GPN1: variants seen among roughly 807,000 people sequenced by gnomAD.
GPN1 encodes GPN-loop GTPase 1.
In GPN1, 44 loss-of-function variants were observed where a neutral mutation model predicts 55.9. That is an observed-to-expected ratio of 0.79 (90% confidence interval 0.62 to 1.01). The LOEUF is 1.01. GPN1 is among the 50% of genes least tolerant of loss of function. GPN1 has a pLI of 0.00. For missense variants in GPN1, 466 were observed against 462.8 expected, an observed-to-expected ratio of 1.01 and a Z score of -0.06; for synonymous variants, 179 against 162.5, an observed-to-expected ratio of 1.10 and a Z score of -0.77.
At chr2:27,645,903 T>C (rs1270137501) in intron 12 of GPN1, among the ~76,000 whole-genome samples, 1 of 151,612 alleles carries the variant, frequency 6.6e-6, no homozygotes, top group Non-Finnish European at 1.5e-5. Flanking sequence ...CTAAATTTTG[T>C]ATTTTTAGTG....
Position 27,638,883 on chromosome 2 carries a change from A to G in GPN1, c.571-2A>G. 1.9e-6 allele frequency: 3 copies of G among 1,610,710 alleles called. No homozygotes were observed. Among genetic ancestry groups the G allele is most frequent in the Non-Finnish European group, 2.5e-6 (3 of 1,178,838 alleles). Reference sequence around the variant, plus strand: ...CTCATAATTGACTTCTCTCTGGTACAGACTGACATCATTGACCACAGCTTT... The same window carrying G: ...CTCATAATTGACTTCTCTCTGGTACGGACTGACATCATTGACCACAGCTTT... On this transcript the variant is annotated splice_acceptor_variant, in intron 8 of 13. Coordinates refer to ENST00000610189, the MANE Select transcript of GPN1 (RefSeq NM_007266.4). LOFTEE classifies it high-confidence loss of function.
chr2:27,638,976 G>A lies in GPN1; in HGVS notation c.662G>A (p.Ser221Asn), dbSNP rs375394495. ...TTGAATCAAGAGACTACATACGTCAGTAACCTGACTCGTTCAATGAGCCTG... is the reference window on the plus strand; with the variant it reads ...TTGAATCAAGAGACTACATACGTCAATAACCTGACTCGTTCAATGAGCCTG... ...DALNQETTYV[S>N]NLTRSMSLVL... The change falls in exon 9 of 14, where the codon AGT (serine) becomes AAT (asparagine). Residue 221 changes from serine (S) to asparagine (N), a missense_variant. Physicochemically the swap from Ser to Asn is conservative, Grantham distance 46 (BLOSUM62 1). Coordinates refer to ENST00000610189, the MANE Select transcript of GPN1 (RefSeq NM_007266.4). The A allele has an allele frequency of 2.0e-5, 32 of 1,613,438 alleles. No homozygotes were observed. The highest frequency in any genetic ancestry group is 2.6e-5 in the Non-Finnish European group (31 of 1,179,564).
chr2:27,645,422 C>G (rs1001745455), intron 12 of GPN1, among the ~76,000 whole-genome samples: 1 of 152,300 alleles, frequency 6.6e-6, no homozygotes, highest in East Asian at 1.9e-4. Context: ...CATGTTCTTC[C>G]ATATGAACTG....
At position 27,631,793 on chromosome 2, in the gene GPN1, T is replaced by G. The variant is rs1384808415; in HGVS notation, c.246-41T>G. The G allele has an allele frequency of 2.6e-6, 3 of 1,166,662 alleles. No individual in the cohort carries two copies. The East Asian group carries it at 7.0e-5, about 27-fold the overall frequency. 72.3% of individuals were successfully genotyped at this position (1,166,662 alleles called of 1,614,324 possible). A position where few individuals can be genotyped will look rare whatever the true frequency, so the allele number is the denominator to read the frequency against. ...GATAGCCTAGGTATGAACTTTATAATCTAATCTATAAGCGATTTCAGTCCT... is the reference window on the plus strand; with the variant it reads ...GATAGCCTAGGTATGAACTTTATAAGCTAATCTATAAGCGATTTCAGTCCT... On this transcript the variant is annotated intron_variant, in intron 3 of 13. Transcript: ENST00000610189.
chr2:27,628,622 TG>T, upstream of GPN1: 1 of 1,551,532 alleles, frequency 6.4e-7, no homozygotes, highest in Non-Finnish European at 8.7e-7. Context: ...GGTCCAGCCC[TG>T]AACTGTTTAA....
At chr2:27,628,743 G>C, upstream of GPN1, 1 of 1,549,084 alleles carries the variant, frequency 6.5e-7, no homozygotes, top group Non-Finnish European at 8.7e-7. Context: ...TGCTGTGTGA[G>C]CCCTGCCCTC....
rs1674513623 is a variant in GPN1, at chr2:27,651,041, C to T, written c.*841C>T. The T allele has an allele frequency of 6.6e-6, 1 of 152,366 alleles. No homozygotes were observed. Among genetic ancestry groups the T allele is most frequent in the South Asian group, 2.1e-4 (1 of 4,834 alleles). The allele number at this position is 152,366 out of a possible 1,614,324, so 9.4% of individuals were successfully genotyped here. A position where few individuals can be genotyped will look rare whatever the true frequency, so the allele number is the denominator to read the frequency against. ...AGCTAGGCCCAGTTTGTATTGTACT[C>T]TGAACTTAATGCAAAGTCTCCTTGG... On this transcript the variant is annotated 3_prime_UTR_variant, in exon 14 of 14. Transcript: ENST00000610189.
intron 12 of GPN1, among the ~76,000 whole-genome samples, chr2:27,645,436 A>T (rs748386617): frequency 6.6e-6 from 1 of 152,192 alleles, no homozygotes; most frequent in Non-Finnish European, 1.5e-5. Flanking sequence ...TGAACTGAGT[A>T]TCAACTTTAT....
intron 5 of GPN1, among the ~76,000 whole-genome samples, chr2:27,634,473 C>T (rs1673658621): frequency 1.3e-5 from 2 of 152,168 alleles, no homozygotes; most frequent in Admixed American, 1.3e-4. Context: ...TAGCACTTTC[C>T]CATTCCTCCC....
Position 27,643,917 on chromosome 2 carries a change from G to A in GPN1, c.931+1398G>A, listed in dbSNP as rs950593447. On this transcript the variant is annotated intron_variant, in intron 12 of 13. Transcript: ENST00000610189. This position sits in a 1 kb window ranked among gnomAD's most constrained non-coding sequence, Gnocchi z 4.0. The stretch of plus-strand genomic sequence containing the variant: ...TTTTAGGCCGGGCGCAGTGGCTCAC[G>A]CCTGTAATCCCAGCATTTTGGGAGG... 1.3e-5 allele frequency among the ~76,000 whole-genome samples: 2 copies of A among 152,154 alleles called. No homozygotes were observed. Among genetic ancestry groups the A allele is most frequent in the African/African-American group, 4.8e-5 (2 of 41,432 alleles).
chr2:27,633,635 C>T lies in GPN1; in HGVS notation c.350+965C>T, dbSNP rs188147572. On this transcript the variant is annotated intron_variant, in intron 5 of 13. Transcript: ENST00000610189. The stretch of plus-strand genomic sequence containing the variant: ...GGATTACAGGTGGCCTGCTACCATG[C>T]CTGACTAATTTTTGTATTTTTAGTA... Among the ~76,000 whole-genome samples, 549 of 152,196 alleles carry T rather than the reference C, an allele frequency of 3.6e-3. 1 individual carries two copies. Among genetic ancestry groups the T allele is most frequent in the African/African-American group, 0.013 (529 of 41,516 alleles).
intron 6 of GPN1, 66 bp from the exon 7 acceptor site, chr2:27,635,073 TG>T: frequency 9.3e-7 from 1 of 1,080,834 alleles, no homozygotes; most frequent in South Asian, 1.3e-5. Flanking sequence ...TTAAGGATGG[TG>T]GAAAAAGAGT....
At chr2:27,632,566 C>T (rs370155174) in intron 4 of GPN1, 67 bp from the exon 5 acceptor site, 506 of 1,090,890 alleles carry the variant, frequency 4.6e-4, no homozygotes, top group Non-Finnish European at 6.6e-4. Flanking sequence ...GTATGCCACC[C>T]TGGAGAGGGC....
chr2:27,635,161 G>A lies in GPN1; in HGVS notation c.451G>A (p.Val151Ile). 1 of 1,600,690 alleles carries A rather than the reference G, an allele frequency of 6.2e-7. No individual in the cohort carries two copies. Among genetic ancestry groups the A allele is most frequent in the Non-Finnish European group, 8.6e-7 (1 of 1,168,650 alleles). The change falls in exon 7 of 14, where the codon GTC becomes ATC. Residue 151 changes from valine to isoleucine, a missense_variant. Coordinates refer to ENST00000610189, the MANE Select transcript of GPN1 (RefSeq NM_007266.4). The part of the protein sequence containing the change: ...EALASSFPTV[V>I]IYVMDTSRST... Reference sequence around the variant, plus strand: ...TTAGGCATCCTCATTTCCAACAGTTGTCATCTATGTAATGGACACATCGAG... The same window carrying A: ...TTAGGCATCCTCATTTCCAACAGTTATCATCTATGTAATGGACACATCGAG...
At position 27,642,429 on chromosome 2, in the gene GPN1, G is replaced by A. The variant is rs769666036; in HGVS notation, c.841G>A (p.Ala281Thr). ...ATGACATTTTTCTCTGTATATACAG[G>A]CCAACGCAGAGAGCCAACAGCAGAG... Reference protein sequence around the residue: ...PEYERLKKSLANAESQQQREQ... With the variant: ...PEYERLKKSLTNAESQQQREQ... The change falls in exon 12 of 14, where the codon GCC becomes ACC. Residue 281 changes from alanine to threonine, a missense_variant and splice_region_variant. By Grantham distance (58) the Ala-to-Thr change is moderately conservative (BLOSUM62 0). Transcript: ENST00000610189. The A allele has an allele frequency of 2.7e-5, 43 of 1,604,134 alleles. No homozygotes were observed. The highest frequency in any genetic ancestry group is 3.4e-5 in the Non-Finnish European group (40 of 1,171,254).
chr2:27,631,336 T>C (rs536254709), intron 3 of GPN1: 7 of 502,028 alleles, frequency 1.4e-5, no homozygotes, highest in Non-Finnish European at 3.5e-6. Context: ...CAAGGTAGTA[T>C]TTTGCCTTGG....
chr2:27,645,980 T>G (rs1251573078), intron 12 of GPN1, among the ~76,000 whole-genome samples: 1 of 152,082 alleles, frequency 6.6e-6, no homozygotes, highest in Non-Finnish European at 1.5e-5. Context: ...TCTGCCCACC[T>G]CAGCCACCCA....
chr2:27,629,072 C>T lies in GPN1; in HGVS notation c.14C>T (p.Ala5Val), dbSNP rs894170989. Residue 5 changes from alanine (A) to valine (V), a missense_variant, in exon 1 of 14, where the codon GCA (alanine) becomes GTA (valine). Ala to Val is a moderately conservative substitution (Grantham distance 64). Coordinates refer to ENST00000610189, the MANE Select transcript of GPN1 (RefSeq NM_007266.4). ...GCCAGGAGGAAGATGGCGGCGTCCG[C>T]AGCTGCCGCTGAGCTCCAGGCTTCT... MAAS[A>V]AAAELQASGG... is the part of the protein sequence containing the mutation. The T allele has an allele frequency of 1.9e-6, 3 of 1,614,212 alleles. No homozygotes were observed. The highest frequency in any genetic ancestry group is 2.5e-6 in the Non-Finnish European group (3 of 1,180,028).
At chr2:27,642,674 C>T (rs2148076308) in intron 12 of GPN1, among the ~76,000 whole-genome samples, 155 bp downstream of exon 12, 1 of 152,244 alleles carries the variant, frequency 6.6e-6, no homozygotes, top group Middle Eastern at 3.4e-3. Flanking sequence ...AGCAGTTCTC[C>T]TGCCTCAGCC....
Sources: allele counts gnomAD v4.1 joint callset (sites outside exome capture counted in the v4.1 genomes callset), GRCh38; gene constraint gnomAD v4.1.1; non-coding constraint Gnocchi (gnomAD v3.1); transcripts MANE v1.5; gene names NCBI Gene and HGNC (gene_info 2026-07-23, HGNC 2026-07-21).